SEMA4D: variants seen among roughly 807,000 people sequenced by gnomAD.
SEMA4D encodes semaphorin 4D.
A neutral mutation model predicts 74.8 loss-of-function variants in SEMA4D; 22 were observed. The observed-to-expected ratio is 0.29, with a 90% CI of 0.21 to 0.42. The LOEUF (loss-of-function observed/expected upper bound fraction) is 0.42, where lower values mean the gene tolerates loss of function less well. Ranked by LOEUF, SEMA4D falls within the 10% of genes least tolerant of loss-of-function variation. The pLI is 1.00. For missense variants in SEMA4D, 937 were observed against 1,118.4 expected (o/e 0.84, Z 2.31); for synonymous variants, 445 against 463.7 (o/e 0.96, Z 0.52).
At chr9:89,497,613 G>C (rs1421464445) in intron 1 of SEMA4D, among the ~76,000 whole-genome samples, 1 of 151,650 alleles carries the variant, frequency 6.6e-6, no homozygotes, top group Non-Finnish European at 1.5e-5. Flanking sequence ...TGCGCGCAGG[G>C]ACTGGGGAGG....
chr9:89,424,402 T>G (rs546800702), intron 2 of SEMA4D, among the ~76,000 whole-genome samples: 92 of 152,332 alleles, frequency 6.0e-4, no homozygotes, highest in African/African-American at 2.1e-3. Flanking sequence ...CATGATGGTT[T>G]ACTCTGTGAT....
chr9:89,415,744 TTTTG>T (rs1011306576), intron 2 of SEMA4D, among the ~76,000 whole-genome samples: 3 of 152,140 alleles, frequency 2.0e-5, no homozygotes, highest in African/African-American at 7.2e-5. Flanking sequence ...GTCTATGACA[TTTTG>T]TTTGAGCAGC....
intron 1 of SEMA4D, among the ~76,000 whole-genome samples, chr9:89,480,708 C>G (rs1306778752): frequency 3.3e-5 from 5 of 152,246 alleles, no homozygotes; most frequent in Non-Finnish European, 7.3e-5. Flanking sequence ...GCTGGCTGCT[C>G]CGAGTGCGGG....
chr9:89,457,987 C>T (rs562299468), intron 1 of SEMA4D, among the ~76,000 whole-genome samples: 4 of 150,418 alleles, frequency 2.7e-5, no homozygotes, highest in East Asian at 3.9e-4. Flanking sequence ...GAGCCAAGAT[C>T]GTGCCACTGC....
chr9:89,410,098 G>A (rs1844199643), intron 2 of SEMA4D, among the ~76,000 whole-genome samples: 1 of 151,774 alleles, frequency 6.6e-6, no homozygotes. Context: ...GGGGTAAGGT[G>A]GGGGGTGCCC....
chr9:89,462,212 C>T (rs149275786), intron 1 of SEMA4D, among the ~76,000 whole-genome samples: 25 of 152,314 alleles, frequency 1.6e-4, no homozygotes, highest in African/African-American at 5.5e-4. Context: ...CCAGAAATCG[C>T]TTGGTGTGAG....
At chr9:89,418,406 C>A (rs920572703) in intron 2 of SEMA4D, 7 of 985,460 alleles carry the variant, frequency 7.1e-6, no homozygotes, top group Non-Finnish European at 8.4e-6. Flanking sequence ...GGTGTACTTT[C>A]TTGCACAATA....
intron 2 of SEMA4D, among the ~76,000 whole-genome samples, chr9:89,450,990 AAAT>A (rs1258828936): frequency 6.6e-6 from 1 of 152,172 alleles, no homozygotes; most frequent in Non-Finnish European, 1.5e-5. Flanking sequence ...AAAAGAAATT[AAAT>A]AATAAAATCA....
intron 16 of SEMA4D, among the ~76,000 whole-genome samples, chr9:89,370,623 GT>G (rs1482494122): frequency 1.3e-5 from 2 of 150,826 alleles, no homozygotes; most frequent in East Asian, 3.9e-4. Flanking sequence ...TGGGATGTGT[GT>G]GGGGGGGTAC....
At chr9:89,383,039 G>A (rs1202712387) in intron 13 of SEMA4D, among the ~76,000 whole-genome samples, 2 of 152,184 alleles carry the variant, frequency 1.3e-5, no homozygotes, top group Non-Finnish European at 1.5e-5. Flanking sequence ...ACTAAACGAC[G>A]CCACACAGAG....
intron 1 of SEMA4D, among the ~76,000 whole-genome samples, chr9:89,465,426 G>A (rs928854489): frequency 1.3e-5 from 2 of 152,058 alleles, no homozygotes; most frequent in African/African-American, 4.8e-5. Flanking sequence ...CTTCAGAGGG[G>A]AAGTCAAAGA....
intron 2 of SEMA4D, among the ~76,000 whole-genome samples, chr9:89,427,943 G>A (rs528333187): frequency 6.6e-6 from 1 of 152,312 alleles, no homozygotes; most frequent in Non-Finnish European, 1.5e-5. Flanking sequence ...GTCTCTCGTA[G>A]GGCCCAGGAA....
At chr9:89,364,054 GAA>G in intron 16 of SEMA4D, 2 of 1,601,410 alleles carry the variant, frequency 1.2e-6, no homozygotes, top group Non-Finnish European at 1.7e-6. Context: ...AGTTGGACCT[GAA>G]GTGACTTGGG....
At chr9:89,463,127 C>A (rs1857758010) in intron 1 of SEMA4D, among the ~76,000 whole-genome samples, 1 of 152,016 alleles carries the variant, frequency 6.6e-6, no homozygotes, top group South Asian at 2.1e-4. Context: ...CCAGTACCCA[C>A]TTCCAGGTTT....
chr9:89,441,665 C>T (rs972366429), intron 2 of SEMA4D, among the ~76,000 whole-genome samples: 3 of 152,234 alleles, frequency 2.0e-5, no homozygotes, highest in African/African-American at 7.2e-5. Flanking sequence ...GCTCCTGGGA[C>T]CTGCCTGGAG....
intron 2 of SEMA4D, among the ~76,000 whole-genome samples, chr9:89,413,001 T>C (rs1227270285): frequency 1.3e-5 from 2 of 152,106 alleles, no homozygotes; most frequent in African/African-American, 2.4e-5. Context: ...CTCTAAATAG[T>C]TAAATTAAAA....
At chr9:89,363,769 C>A (rs555149600) in exon 17 of SEMA4D, 3 of 1,613,530 alleles carry the variant, frequency 1.9e-6, no homozygotes, top group Non-Finnish European at 2.5e-6. Context: ...CCTGCACCTT[C>A]GAAGTCTTGT....
chr9:89,450,684 A>AAAAAAAAAAAAAAAAAAAAC, intron 2 of SEMA4D: 1 of 954,792 alleles, frequency 1.0e-6, no homozygotes, highest in East Asian at 2.5e-5. Flanking sequence ...AAAAAAAAAA[A>AAAAAAAAAAAAAAAAAAAAC]AAAGGCCTCC....
At chr9:89,450,641 T>C (rs1279439908) in intron 2 of SEMA4D, 5 of 604,816 alleles carry the variant, frequency 8.3e-6, no homozygotes, top group Non-Finnish European at 1.3e-5. Flanking sequence ...TCCAGAGTTC[T>C]GCAAGTCGAA....
Sources: allele counts gnomAD v4.1 joint callset (sites outside exome capture counted in the v4.1 genomes callset), GRCh38; gene constraint gnomAD v4.1.1; transcripts MANE v1.5; gene names NCBI Gene and HGNC (gene_info 2026-07-23, HGNC 2026-07-21).